CEMIP: variants seen among roughly 807,000 people sequenced by gnomAD.
The protein encoded by CEMIP is cell migration inducing hyaluronidase 1, also known as cell migration-inducing and hyaluronan-binding protein.
CEMIP carries 105 observed loss-of-function variants against 156.9 expected under a neutral mutation model. That is an observed-to-expected ratio of 0.67 (90% confidence interval 0.57 to 0.79). CEMIP has a LOEUF of 0.79. Ranked by LOEUF, CEMIP falls within the 30% of genes least tolerant of loss-of-function variation. CEMIP has a pLI of 0.00. For missense variants in CEMIP, 1,457 were observed against 1,769.4 expected (o/e 0.82, Z 3.17); for synonymous variants, 676 against 668.4 (o/e 1.01, Z -0.17).
intron 17 of CEMIP, 151 bp downstream of exon 17, chr15:80,922,288 G>C: frequency 1.0e-6 from 1 of 1,001,036 alleles, no homozygotes; most frequent in Non-Finnish European, 1.5e-6. Context: ...AGCCTTGCGA[G>C]GCCTCCCAGG....
rs1567090991 is a variant in CEMIP, at chr15:80,900,648, G to GTGTGTAT, written c.1411+4589_1411+4590insGTGTATT. 4.7e-4 allele frequency among the ~76,000 whole-genome samples: 53 copies of GTGTGTAT among 111,920 alleles called. 1 individual carries two copies. Among genetic ancestry groups the GTGTGTAT allele is most frequent in the African/African-American group, 1.7e-3 (50 of 30,224 alleles). The allele number at this position is 111,920 out of a possible 152,430, so 73.4% of individuals were successfully genotyped here. A position where few individuals can be genotyped will look rare whatever the true frequency, so the allele number is the denominator to read the frequency against. On this transcript the variant is annotated intron_variant, in intron 12 of 29. Coordinates refer to ENST00000394685, the MANE Select transcript of CEMIP (RefSeq NM_001293298.2). Reference sequence around the variant, plus strand: ...TGTGTGTGTGTGTGTGTGTGTGTGTGTCTGTGTGTGTGTCTGTGTGTGTGT... The same window carrying GTGTGTAT: ...TGTGTGTGTGTGTGTGTGTGTGTGTGTGTGTATTCTGTGTGTGTGTCTGTGTGTGTGT...
chr15:80,798,217 A>G (rs1896281702), intron 1 of CEMIP, among the ~76,000 whole-genome samples: 1 of 152,208 alleles, frequency 6.6e-6, no homozygotes, highest in South Asian at 2.1e-4. Flanking sequence ...ATATTTTTCT[A>G]GTGTTATTAC....
chr15:80,887,430 C>A (rs1354978117), intron 7 of CEMIP, among the ~76,000 whole-genome samples: 3 of 152,210 alleles, frequency 2.0e-5, no homozygotes, highest in Non-Finnish European at 2.9e-5. Flanking sequence ...ATGCTCCCAT[C>A]TTCTGCCAGA....
At chr15:80,928,623 G>A (rs556953235) in intron 19 of CEMIP, among the ~76,000 whole-genome samples, 1 of 152,308 alleles carries the variant, frequency 6.6e-6, no homozygotes, top group East Asian at 1.9e-4. Context: ...GAGGCATATG[G>A]ACCCCAGTCT....
chr15:80,882,333 T>C (rs867903575), intron 6 of CEMIP, among the ~76,000 whole-genome samples: 4 of 152,228 alleles, frequency 2.6e-5, no homozygotes, highest in South Asian at 2.1e-4. Context: ...ATCTACCTTG[T>C]AGAGATGAAA....
intron 23 of CEMIP, among the ~76,000 whole-genome samples, chr15:80,935,784 T>C (rs1901098514): frequency 6.6e-6 from 1 of 152,048 alleles, no homozygotes; most frequent in East Asian, 1.9e-4. Flanking sequence ...CAGGCTGGAG[T>C]GCAATGGGCA....
intron 7 of CEMIP, among the ~76,000 whole-genome samples, chr15:80,885,855 TG>T (rs1393459902): frequency 2.0e-5 from 3 of 152,210 alleles, no homozygotes; most frequent in Non-Finnish European, 4.4e-5. Context: ...ACTGGAAAGG[TG>T]GGCACTCGCC....
chr15:80,920,382 C>G, intron 15 of CEMIP, 83 bp downstream of exon 15: 1 of 1,311,650 alleles, frequency 7.6e-7, no homozygotes, highest in Non-Finnish European at 1.1e-6. Flanking sequence ...CAGCCCAGCA[C>G]CAGACTTCTG....
chr15:80,949,099 C>A lies in CEMIP; in HGVS notation c.*175C>A, dbSNP rs1901701262. The A allele has an allele frequency of 1.2e-6, 1 of 819,326 alleles. No individual in the cohort carries two copies. The highest frequency in any genetic ancestry group is 2.0e-6 in the Non-Finnish European group (1 of 494,688). The allele number at this position is 819,326 out of a possible 1,614,324, so 50.8% of individuals were successfully genotyped here. ...CAGAGACCCTGGTGCTGCCACCTGC[C>A]CCTACTCAAGTGTCTACCTGGAGCC... On this transcript the variant is annotated 3_prime_UTR_variant, in exon 30 of 30. Coordinates refer to ENST00000394685, the MANE Select transcript of CEMIP (RefSeq NM_001293298.2).
At chr15:80,902,471 A>T (rs1471499493) in intron 12 of CEMIP, among the ~76,000 whole-genome samples, 4 of 152,084 alleles carry the variant, frequency 2.6e-5, no homozygotes, top group African/African-American at 9.7e-5. Flanking sequence ...TCAGGCACAC[A>T]CTGTCCCTCA....
At chr15:80,828,966 T>C (rs543904233) in intron 1 of CEMIP, among the ~76,000 whole-genome samples, 2 of 152,358 alleles carry the variant, frequency 1.3e-5, no homozygotes, top group South Asian at 2.1e-4. Context: ...CAATGGCCTC[T>C]TCCTCTTTTC....
At chr15:80,872,079 T>G (rs1898313192) in intron 1 of CEMIP, among the ~76,000 whole-genome samples, 1 of 152,178 alleles carries the variant, frequency 6.6e-6, no homozygotes, top group Admixed American at 6.5e-5. Flanking sequence ...TGTGCTCCTT[T>G]CAGTCCCCTT....
intron 23 of CEMIP, among the ~76,000 whole-genome samples, chr15:80,935,574 A>G (rs927407234): frequency 4.6e-4 from 70 of 152,300 alleles, no homozygotes; most frequent in African/African-American, 1.6e-3. Context: ...TTCTCTTTCC[A>G]TCTTATATGC....
At chr15:80,822,318 G>A (rs1896929613) in intron 1 of CEMIP, among the ~76,000 whole-genome samples, 1 of 152,222 alleles carries the variant, frequency 6.6e-6, no homozygotes, top group African/African-American at 2.4e-5. Context: ...CCACCTCAGA[G>A]ACCTTGCAGG....
At chr15:80,804,265 G>C (rs11072944) in intron 1 of CEMIP, among the ~76,000 whole-genome samples, 35,932 of 152,154 alleles carry the variant, frequency 0.24, 5,266 homozygotes, top group East Asian at 0.47. Flanking sequence ...CAGCTCTATA[G>C]GCTGATCCCT....
In CEMIP at chr15:80,859,396, G is replaced by A. The variant is rs1383272177; in HGVS notation, c.-175-14142G>A. Among the ~76,000 whole-genome samples, 8 of 152,332 alleles carry A rather than the reference G, an allele frequency of 5.3e-5. No homozygotes were observed. The South Asian group carries it at 1.4e-3, about 28-fold the overall frequency. ...TCATCACCTTTTGTTCTAAACCTGT[G>A]TCTGGATCTTGCCTCTCCTGAAGAC... On this transcript the variant is annotated intron_variant, in intron 1 of 29. Coordinates refer to ENST00000394685, the MANE Select transcript of CEMIP (RefSeq NM_001293298.2).
intron 17 of CEMIP, among the ~76,000 whole-genome samples, chr15:80,923,155 A>C (rs1052974931): frequency 1.3e-5 from 2 of 152,136 alleles, no homozygotes; most frequent in African/African-American, 4.8e-5. Flanking sequence ...GGGGTGGCAG[A>C]AACAGAAGCA....
At chr15:80,845,637 AACAG>A (rs1423169909) in intron 1 of CEMIP, among the ~76,000 whole-genome samples, 1 of 152,172 alleles carries the variant, frequency 6.6e-6, no homozygotes, top group Non-Finnish European at 1.5e-5. Flanking sequence ...ATCCAGGGAA[AACAG>A]ACAGTTCTAT....
chr15:80,897,594 G>C (rs2141864555), intron 12 of CEMIP, among the ~76,000 whole-genome samples: 1 of 152,324 alleles, frequency 6.6e-6, no homozygotes, highest in East Asian at 1.9e-4. Flanking sequence ...TAGAGGCCAA[G>C]ATGACTAGAC....
Sources: gnomAD v4.1 joint callset for allele counts (sites outside exome capture counted in the v4.1 genomes callset) on GRCh38, gnomAD v4.1.1 for gene constraint, MANE v1.5 for transcripts, NCBI Gene and HGNC (gene_info 2026-07-23, HGNC 2026-07-21) for gene names.